ATRNL1: variants seen among roughly 807,000 people sequenced by gnomAD.
ATRNL1 encodes attractin-like protein 1.
A neutral mutation model predicts 182.7 loss-of-function variants in ATRNL1; 95 were observed. The ratio of observed to expected loss-of-function variants is 0.52; its 90% CI spans 0.44 to 0.62. ATRNL1 has a LOEUF of 0.62. Among genes scored for constraint, ATRNL1 ranks in the 20% least tolerant of loss-of-function variants. The pLI is 0.00. For synonymous variants in ATRNL1, 576 were observed against 568.3 expected (o/e 1.01, Z -0.19); for missense variants, 1,471 against 1,679.5 (o/e 0.88, Z 2.17).
At chr10:115,148,936 G>A (rs180810804) in intron 5 of ATRNL1, among the ~76,000 whole-genome samples, 1 of 152,046 alleles carries the variant, frequency 6.6e-6, no homozygotes, top group African/African-American at 2.4e-5. Flanking sequence ...TTTTAGTAGA[G>A]ATGAGGTTTC....
chr10:115,833,647 A>G (rs1555094466), intron 27 of ATRNL1, among the ~76,000 whole-genome samples: 3 of 152,202 alleles, frequency 2.0e-5, no homozygotes, highest in African/African-American at 7.2e-5. Flanking sequence ...TTATCCTTAC[A>G]ACAATCCAGT....
In ATRNL1 at chr10:115,093,601, CCT is replaced by C; in HGVS notation, c.-148_-147del. The C allele has an allele frequency of 1.1e-6, 1 of 902,004 alleles. No individual in the cohort carries two copies. The highest frequency in any genetic ancestry group is 1.7e-6 in the Non-Finnish European group (1 of 581,068). 55.9% of individuals were successfully genotyped at this position (902,004 alleles called of 1,614,324 possible). A position where few individuals can be genotyped will look rare whatever the true frequency, so the allele number is the denominator to read the frequency against. On this transcript the variant is annotated 5_prime_UTR_variant, in exon 1 of 29. An upstream open reading frame in the 5' UTR loses its in-frame stop. Transcript: ENST00000355044. The surrounding 1 kb of genome is among the most constrained non-coding windows in gnomAD (Gnocchi z 6.1). Reference sequence around the variant, plus strand: ...GAGGCGACGGCGGTTGGGATCTGTCCCTCCTGACCGGGGAGCGGGACTCGGAC... The same window carrying C: ...GAGGCGACGGCGGTTGGGATCTGTCCCCTGACCGGGGAGCGGGACTCGGAC...
At chr10:115,161,446 A>G (rs1846778502) in intron 6 of ATRNL1, among the ~76,000 whole-genome samples, 1 of 151,964 alleles carries the variant, frequency 6.6e-6, no homozygotes, top group South Asian at 2.1e-4. Flanking sequence ...ATTAAAAGGA[A>G]ATTAACTATG....
intron 26 of ATRNL1, among the ~76,000 whole-genome samples, chr10:115,716,220 A>T (rs542375727): frequency 1.2e-4 from 19 of 152,258 alleles, no homozygotes; most frequent in African/African-American, 4.3e-4. Context: ...TATTTAGCAG[A>T]TGTCTTCACA....
At chr10:115,689,520 G>A (rs1181757992) in intron 26 of ATRNL1, among the ~76,000 whole-genome samples, 3 of 152,060 alleles carry the variant, frequency 2.0e-5, no homozygotes, top group Admixed American at 6.6e-5. Context: ...ATGTTGCTAT[G>A]CCCATATTGG....
chr10:115,719,834 A>G (rs1340720538), intron 26 of ATRNL1, among the ~76,000 whole-genome samples: 3 of 151,490 alleles, frequency 2.0e-5, no homozygotes, highest in South Asian at 4.2e-4. Flanking sequence ...AAATTTTGGT[A>G]AAATTCTATC....
chr10:115,339,006 A>G (rs1221234854), intron 19 of ATRNL1, among the ~76,000 whole-genome samples: 1 of 152,116 alleles, frequency 6.6e-6, no homozygotes, highest in Non-Finnish European at 1.5e-5. Flanking sequence ...TGTTCTGGTC[A>G]CCTTTGTCGA....
At chr10:115,158,642 A>G (rs540444712) in intron 5 of ATRNL1, among the ~76,000 whole-genome samples, 84 of 152,114 alleles carry the variant, frequency 5.5e-4, no homozygotes, top group Non-Finnish European at 6.9e-4. Flanking sequence ...AGATGAATCA[A>G]TTAATACCTG....
chr10:115,320,460 T>G (rs1854524307), intron 18 of ATRNL1, among the ~76,000 whole-genome samples: 1 of 152,202 alleles, frequency 6.6e-6, no homozygotes, highest in African/African-American at 2.4e-5. Flanking sequence ...TTGGGGAAGT[T>G]CTCCTGGATA....
intron 5 of ATRNL1, among the ~76,000 whole-genome samples, chr10:115,154,854 G>T (rs2143942391): frequency 6.6e-6 from 1 of 152,230 alleles, no homozygotes; most frequent in Non-Finnish European, 1.5e-5. Context: ...GGGAGCCCAA[G>T]ACAGGCACTC....
At chr10:115,587,348 CT>C (rs1555010378) in intron 26 of ATRNL1, among the ~76,000 whole-genome samples, 3 of 152,016 alleles carry the variant, frequency 2.0e-5, no homozygotes, top group African/African-American at 7.2e-5. Context: ...GCGGGCGCCC[CT>C]CCCCCAGCCT....
At chr10:115,767,722 C>G (rs1406673113) in intron 27 of ATRNL1, among the ~76,000 whole-genome samples, 1 of 152,138 alleles carries the variant, frequency 6.6e-6, no homozygotes, top group African/African-American at 2.4e-5. Context: ...ACTCTATGTT[C>G]TCTTTTTCTT....
chr10:115,441,017 C>G (rs1345327206), intron 21 of ATRNL1, among the ~76,000 whole-genome samples: 1 of 151,758 alleles, frequency 6.6e-6, no homozygotes, highest in Admixed American at 6.6e-5. Flanking sequence ...ACCACAATCA[C>G]CAAACTTTTT....
intron 27 of ATRNL1, among the ~76,000 whole-genome samples, chr10:115,779,361 C>T (rs1291016387): frequency 4.6e-5 from 7 of 152,152 alleles, no homozygotes; most frequent in Admixed American, 2.6e-4. Flanking sequence ...TCTAGGTCAG[C>T]GAGTCATCTG....
At position 115,727,312 on chromosome 10, in the gene ATRNL1, A is replaced by G; in HGVS notation, c.3860A>G (p.Glu1287Gly). 6.2e-7 allele frequency: 1 copy of G among 1,614,116 alleles called. No individual in the cohort carries two copies. The highest frequency in any genetic ancestry group is 8.5e-7 in the Non-Finnish European group (1 of 1,179,990). Reference protein sequence around the residue: ...RPFASVDVALEVGAEQTEFLR... With the variant: ...RPFASVDVALGVGAEQTEFLR... The stretch of plus-strand genomic sequence containing the variant: ...TTTGCTTCTGTTGATGTAGCTCTGG[A>G]AGTGGGAGCTGAACAAACAGAGTTT... The change falls in exon 27 of 29, where the codon GAA (glutamate) becomes GGA (glycine). Residue 1287 changes from glutamate to glycine, a missense_variant. Around this residue, in one of 3 missense-constraint regions of ATRNL1, gnomAD observed 437 missense variants for 506.0 expected, o/e 0.86. Coordinates refer to ENST00000355044, the MANE Select transcript of ATRNL1 (RefSeq NM_207303.4).
chr10:115,635,231 C>A (rs1858788030), intron 26 of ATRNL1, among the ~76,000 whole-genome samples: 1 of 149,300 alleles, frequency 6.7e-6, no homozygotes, highest in Non-Finnish European at 1.5e-5. Flanking sequence ...AAGGTATTTT[C>A]AATACATAAA....
At chr10:115,311,538 G>T (rs578102001) in intron 17 of ATRNL1, among the ~76,000 whole-genome samples, 2 of 149,090 alleles carry the variant, frequency 1.3e-5, no homozygotes, top group East Asian at 3.9e-4. Flanking sequence ...CTGTCATATG[G>T]TCTATCTTGG....
At chr10:115,406,718 G>A (rs1182311924) in intron 20 of ATRNL1, among the ~76,000 whole-genome samples, 1 of 151,966 alleles carries the variant, frequency 6.6e-6, no homozygotes, top group African/African-American at 2.4e-5. Context: ...TTTTCTGCTG[G>A]ATTCTCCTTA....
chr10:115,778,600 A>G (rs1949187731), intron 27 of ATRNL1, among the ~76,000 whole-genome samples: 1 of 152,226 alleles, frequency 6.6e-6, no homozygotes. Context: ...CTTTCCAGCT[A>G]CAGTGCAGAC....
Sources: gnomAD v4.1 joint callset for allele counts (sites outside exome capture counted in the v4.1 genomes callset) on GRCh38, gnomAD v4.1.1 for gene constraint, gnomAD v4.1.1 regional missense constraint, Gnocchi (gnomAD v3.1) non-coding constraint, MANE v1.5 for transcripts, NCBI Gene and HGNC (gene_info 2026-07-23, HGNC 2026-07-21) for gene names.